Variants in PYROXD2 observed in about 807,000 individuals in gnomAD.
The protein encoded by PYROXD2 is pyridine nucleotide-disulphide oxidoreductase domain 2, also known as pyridine nucleotide-disulfide oxidoreductase domain-containing protein 2.
In PYROXD2, 69 loss-of-function variants were observed where a neutral mutation model predicts 71.1. The observed-to-expected ratio is 0.97, with a 90% CI of 0.80 to 1.19. The LOEUF is 1.19. Among genes scored for constraint, PYROXD2 ranks in the 50% most tolerant of loss-of-function variants. The probability of loss-of-function intolerance (pLI) is 0.00; values close to 1 mark genes in which losing one functional copy is unlikely to be tolerated. For synonymous variants in PYROXD2, 287 were observed against 302.7 expected (o/e 0.95, Z 0.54); for missense variants, 745 against 748.9 (o/e 0.99, Z 0.06).
In PYROXD2 at chr10:98,393,065, A is replaced by G. The variant is rs749270229; in HGVS notation, c.804T>C (p.His268=). Residue 268 remains histidine, a synonymous_variant, in exon 9 of 16, where the codon CAT becomes CAC. Coordinates refer to ENST00000370575, the MANE Select transcript of PYROXD2 (RefSeq NM_032709.3). ...GCATTCCCTCCAGGCCCCCCATCACATGGTGCAGCAGCACATACCTGTGGA... is the reference window on the plus strand; with the variant it reads ...GCATTCCCTCCAGGCCCCCCATCACGTGGTGCAGCAGCACATACCTGTGGA... The part of the protein sequence containing the change: ...TPGSGYVLLH[H]VMGGLEGMQG... 22 of 1,588,900 alleles carry G rather than the reference A, an allele frequency of 1.4e-5. No individual in the cohort carries two copies. Among genetic ancestry groups the G allele is most frequent in the Admixed American group, 1.9e-5 (1 of 52,012 alleles).
chr10:98,396,781 C>A (rs1843200312), intron 6 of PYROXD2, among the ~76,000 whole-genome samples: 1 of 152,220 alleles, frequency 6.6e-6, no homozygotes, highest in South Asian at 2.1e-4. Context: ...CTCTCTACTT[C>A]TTCCCTAGGG....
intron 14 of PYROXD2, among the ~76,000 whole-genome samples, chr10:98,385,571 G>C (rs1842724200): frequency 6.6e-6 from 1 of 152,216 alleles, no homozygotes; most frequent in South Asian, 2.1e-4. Flanking sequence ...AAGGGAGGCA[G>C]CATGGGACAA....
In PYROXD2 at chr10:98,392,579, A is replaced by G. The variant is rs1400141933; in HGVS notation, c.928-13T>C. On this transcript the variant is annotated splice_polypyrimidine_tract_variant and intron_variant, in intron 9 of 15. Coordinates refer to ENST00000370575, the MANE Select transcript of PYROXD2 (RefSeq NM_032709.3). ...CCTTCGCCACTGTCTAGAGCCCACC[A>G]GAACAAGGCCCCAGAAACCGCAGGA... 6.2e-7 allele frequency: 1 copy of G among 1,609,038 alleles called. No homozygotes were observed. The highest frequency in any genetic ancestry group is 1.3e-5 in the African/African-American group (1 of 75,046).
In PYROXD2 at chr10:98,390,601, T is replaced by G; in HGVS notation, c.1289A>C (p.His430Pro). The change falls in exon 12 of 16, where the codon CAC becomes CCC. Residue 430 changes from histidine (H) to proline (P), a missense_variant. By Grantham distance (77) the His-to-Pro change is moderately conservative (BLOSUM62 -2). Transcript: ENST00000370575. ...FEDAMDGLPS[H>P]RPVIELCIPS... Reference sequence around the variant, plus strand: ...ACATAAAGTCCAGGGCCCCTACCTGTGGGAAGGCAGGCCATCCATGGCATC... The same window carrying G: ...ACATAAAGTCCAGGGCCCCTACCTGGGGGAAGGCAGGCCATCCATGGCATC... The G allele has an allele frequency of 6.3e-7, 1 of 1,590,114 alleles. No homozygotes were observed. Among genetic ancestry groups the G allele is most frequent in the South Asian group, 1.2e-5 (1 of 86,680 alleles).
At position 98,384,997 on chromosome 10, in the gene PYROXD2, T is replaced by C. The variant is rs1842704195; in HGVS notation, c.1625A>G (p.Tyr542Cys). 1 of 1,613,720 alleles carries C rather than the reference T, an allele frequency of 6.2e-7. No individual in the cohort carries two copies. The highest frequency in any genetic ancestry group is 8.5e-7 in the Non-Finnish European group (1 of 1,179,974). Residue 542 changes from tyrosine to cysteine, a missense_variant, in exon 15 of 16, where the codon TAC becomes TGC. Tyr to Cys is a radical substitution (Grantham distance 194, BLOSUM62 -2). Transcript: ENST00000370575. ...FARPVPLHSG[Y>C]RCPLQGLYLC... ...ATACAGGCCCTGGAGAGGGCAGCGG[T>C]AGCCAGAATGCAGGGGCACGGGGCG...
chr10:98,390,795 G>A, intron 11 of PYROXD2, 41 bp from the exon 12 acceptor site: 1 of 1,540,504 alleles, frequency 6.5e-7, no homozygotes, highest in Non-Finnish European at 8.8e-7. Context: ...AGCCCCACAA[G>A]GTCCTCCCTC....
chr10:98,387,185 C>T lies in PYROXD2; in HGVS notation c.1554+16G>A. ...AGGGAAGGCTATGGTGAGAGACCCC[C>T]TAGGCTTATACATACCCCTCCAGGA... On this transcript the variant is annotated intron_variant, in intron 14 of 15. Transcript: ENST00000370575. The T allele has an allele frequency of 6.3e-7, 1 of 1,596,728 alleles. No individual in the cohort carries two copies. Among genetic ancestry groups the T allele is most frequent in the Non-Finnish European group, 8.6e-7 (1 of 1,164,816 alleles).
intron 4 of PYROXD2, among the ~76,000 whole-genome samples, chr10:98,402,286 T>A (rs1212366849): frequency 6.6e-6 from 1 of 152,068 alleles, no homozygotes; most frequent in African/African-American, 2.4e-5. Flanking sequence ...TAGGTCTGGG[T>A]TTCAAAACCA....
chr10:98,389,195 C>G (rs115508934), intron 12 of PYROXD2, among the ~76,000 whole-genome samples: 1,775 of 152,270 alleles, frequency 0.012, 32 homozygotes, highest in African/African-American at 0.04. Context: ...ACCCCCACCG[C>G]CTCTTCCTCT....
chr10:98,396,910 C>T (rs1031678911), intron 6 of PYROXD2, among the ~76,000 whole-genome samples: 4 of 152,192 alleles, frequency 2.6e-5, no homozygotes, highest in Non-Finnish European at 4.4e-5. Context: ...GGAGATAGAA[C>T]CCAATGGATA....
Position 98,384,578 on chromosome 10 carries a change from C to T in PYROXD2, c.1675+369G>A, listed in dbSNP as rs574904863. Among the ~76,000 whole-genome samples the T allele has an allele frequency of 5.3e-5, 8 of 152,342 alleles. No individual in the cohort carries two copies. The South Asian group carries it at 1.7e-3, about 32-fold the overall frequency. On this transcript the variant is annotated intron_variant, in intron 15 of 15. Coordinates refer to ENST00000370575, the MANE Select transcript of PYROXD2 (RefSeq NM_032709.3). Reference sequence around the variant, plus strand: ...GCTGCAGTGAGCTGTGATCATACCACTGCACCTCCAGCCTAGGCGATAGCG... The same window carrying T: ...GCTGCAGTGAGCTGTGATCATACCATTGCACCTCCAGCCTAGGCGATAGCG...
rs758213987 is a variant in PYROXD2 at position 98,400,138 on chromosome 10, C to T, written c.435G>A (p.Gln145=). 10 of 1,613,838 alleles carry T rather than the reference C, an allele frequency of 6.2e-6. No homozygotes were observed. The highest frequency in any genetic ancestry group is 7.6e-6 in the Non-Finnish European group (9 of 1,179,928). The change falls in exon 5 of 16, where the codon CAG becomes CAA. Residue 145 remains glutamine (Q), a synonymous_variant. Transcript: ENST00000370575. ...LLLGTDMAEN[Q]KQIAQFSQKD... ...TCTGGGAGAACTGGGCGATCTGCTT[C>T]TGGTTTTCTGCCATGTCTGTGCCCA... is the stretch of plus-strand genomic sequence containing the variant.
chr10:98,414,139 T>C (rs1051536868), intron 1 of PYROXD2: 1 of 152,062 alleles, frequency 6.6e-6, no homozygotes, highest in African/African-American at 2.4e-5. Flanking sequence ...CATTTTTCCC[T>C]GGAGAGGTGA....
At chr10:98,405,615 G>A (rs1021526986) in intron 4 of PYROXD2, among the ~76,000 whole-genome samples, 1 of 152,198 alleles carries the variant, frequency 6.6e-6, no homozygotes, top group Non-Finnish European at 1.5e-5. Context: ...TCACGCAGCT[G>A]GTGAGCTGTG....
At position 98,407,962 on chromosome 10, in the gene PYROXD2, G is replaced by A. The variant is rs374581494; in HGVS notation, c.183C>T (p.Ala61=). Residue 61 remains alanine, a synonymous_variant, in exon 3 of 16, where the codon GCC becomes GCT. Transcript: ENST00000370575. ...CGATCACATGGCGCCTCTCGAAGAC[G>A]GCGGTGTTCACCCCCAGTCTCTGCA... ...AYLQRLGVNT[A]VFERRHVIGG... 1.5e-4 allele frequency: 242 copies of A among 1,610,114 alleles called. No individual in the cohort carries two copies. Among genetic ancestry groups the A allele is most frequent in the Non-Finnish European group, 1.7e-4 (205 of 1,178,600 alleles).
chr10:98,384,934 C>T lies in PYROXD2; in HGVS notation c.1675+13G>A. 2 of 1,607,206 alleles carry T rather than the reference C, an allele frequency of 1.2e-6. No homozygotes were observed. The highest frequency in any genetic ancestry group is 1.7e-6 in the Non-Finnish European group (2 of 1,177,758). The stretch of plus-strand genomic sequence containing the variant: ...CCAGTCCCCACAGGGTAGTGGGACT[C>T]CAGGTCACTCACCAGGATGAGCCCC... On this transcript the variant is annotated intron_variant, in intron 15 of 15. Transcript: ENST00000370575.
In PYROXD2 at chr10:98,392,677, C is replaced by T; in HGVS notation, c.928-111G>A. The T allele has an allele frequency of 2.6e-6, 4 of 1,510,962 alleles. No individual in the cohort carries two copies. The South Asian group carries it at 5.2e-5, about 20-fold the overall frequency. 93.6% of individuals were successfully genotyped at this position (1,510,962 alleles called of 1,614,324 possible). A position where few individuals can be genotyped will look rare whatever the true frequency, so the allele number is the denominator to read the frequency against. ...TCCTAGGCATTCACAACTTCTTCAT[C>T]CCAAACCCATCCCACCAAGTTCTGC... On this transcript the variant is annotated intron_variant, in intron 9 of 15. Coordinates refer to ENST00000370575, the MANE Select transcript of PYROXD2 (RefSeq NM_032709.3).
intron 10 of PYROXD2, among the ~76,000 whole-genome samples, chr10:98,392,062 G>A (rs1250432472): frequency 6.6e-6 from 1 of 152,112 alleles, no homozygotes; most frequent in East Asian, 1.9e-4. Flanking sequence ...TTTGTTAATT[G>A]ATTAATTAAT....
chr10:98,392,530 C>G lies in PYROXD2; in HGVS notation c.964G>C (p.Val322Leu), dbSNP rs778010316. The G allele has an allele frequency of 1.2e-6, 2 of 1,613,302 alleles. No homozygotes were observed. The highest frequency in any genetic ancestry group is 1.7e-6 in the Non-Finnish European group (2 of 1,180,028). Residue 322 changes from valine (V) to leucine (L), a missense_variant, in exon 10 of 16, where the codon GTT becomes CTT. Val to Leu is a conservative substitution (Grantham distance 32). Coordinates refer to ENST00000370575, the MANE Select transcript of PYROXD2 (RefSeq NM_032709.3). ...CCATCTTCCAGCACAACTCCTTGAA[C>G]ACAGCCTTCACTGTTCACCTGCACC... ...AKVQVNSEGC[V>L]QGVVLEDGTE...
Sources: allele counts gnomAD v4.1 joint callset (sites outside exome capture counted in the v4.1 genomes callset), GRCh38; gene constraint gnomAD v4.1.1; transcripts MANE v1.5; gene names NCBI Gene and HGNC (gene_info 2026-07-23, HGNC 2026-07-21).